Variants in DEAF1 observed in about 807,000 individuals in gnomAD.
DEAF1 encodes DEAF1 transcription factor.
Under a neutral mutation model 58.9 loss-of-function variants are expected in DEAF1, and 53 were observed. The observed-to-expected ratio is 0.90, with a 90% confidence interval of 0.72 to 1.13. The LOEUF is 1.13. Among genes scored for constraint, DEAF1 ranks in the 50% most tolerant of loss-of-function variants. The pLI is 0.00. For missense variants in DEAF1, 685 were observed against 791.4 expected, an observed-to-expected ratio of 0.87 and a Z score of 1.61; for synonymous variants, 385 against 340.4, an observed-to-expected ratio of 1.13 and a Z score of -1.44.
intron 10 of DEAF1, among the ~76,000 whole-genome samples, chr11:668,179 A>G (rs891855142): frequency 6.6e-5 from 10 of 152,226 alleles, no homozygotes; most frequent in Non-Finnish European, 1.0e-4. Flanking sequence ...CCTCAAAAAT[A>G]AAGGTGAAAG....
At position 680,901 on chromosome 11, in the gene DEAF1, C is replaced by T. The variant is rs568400995; in HGVS notation, c.997+62G>A. 85 of 1,611,414 alleles carry T rather than the reference C, an allele frequency of 5.3e-5. 1 individual carries two copies. Among genetic ancestry groups the T allele is most frequent in the South Asian group, 4.3e-4 (39 of 90,934 alleles). ...CCCGCAGTGGCCGTGGGAGTGGTGA[C>T]GAGAGAAGGCAATGCACTCAGGTCC... On this transcript the variant is annotated intron_variant, in intron 7 of 11. Transcript: ENST00000382409.
At chr11:667,785 G>A (rs956697833) in intron 10 of DEAF1, among the ~76,000 whole-genome samples, 2 of 151,128 alleles carry the variant, frequency 1.3e-5, no homozygotes, top group Non-Finnish European at 2.9e-5. Context: ...CTCCAGCCTG[G>A]TGACAGAGTG....
In DEAF1 at chr11:679,800, C is replaced by T. The variant is rs138708107; in HGVS notation, c.1014G>A (p.Ser338=). The T allele has an allele frequency of 2.4e-5, 39 of 1,613,644 alleles. No homozygotes were observed. Among genetic ancestry groups the T allele is most frequent in the South Asian group, 1.5e-4 (14 of 91,092 alleles). ...GTGCCCCCGAGGTCGTGATCTGTCC[C>T]GAGGGGGTCACGGTGACTGGAAAGG... ...TAATTFTVTP[S]GQITTSGALT... is the part of the protein sequence containing the mutation. The change falls in exon 8 of 12, where the codon TCG becomes TCA. Residue 338 remains serine (S), a synonymous_variant. Coordinates refer to ENST00000382409, the MANE Select transcript of DEAF1 (RefSeq NM_021008.4).
intron 11 of DEAF1, chr11:646,277 A>G (rs1259293313): frequency 1.4e-5 from 2 of 145,664 alleles, no homozygotes; most frequent in African/African-American, 5.0e-5. Flanking sequence ...AAAAAAAATT[A>G]AAATTACCTG....
chr11:656,605 AGGTGG>A (rs1859066610), intron 10 of DEAF1, among the ~76,000 whole-genome samples: 1 of 152,234 alleles, frequency 6.6e-6, no homozygotes, highest in African/African-American at 2.4e-5. Context: ...GACAGAGGTC[AGGTGG>A]GGTGGGAGGC....
chr11:701,232 T>G (rs1861448019), intron 1 of DEAF1: 1 of 167,556 alleles, frequency 6.0e-6, no homozygotes, highest in African/African-American at 2.4e-5. Context: ...CAGGCTGGAG[T>G]GCAGTGGTGC....
chr11:704,085 C>G, intron 1 of DEAF1: 1 of 1,114,062 alleles, frequency 9.0e-7, no homozygotes, highest in Non-Finnish European at 1.1e-6. Context: ...GATATTTTCT[C>G]TTCACCGCAT....
chr11:663,750 G>A (rs1307385340), intron 10 of DEAF1, among the ~76,000 whole-genome samples: 1 of 152,060 alleles, frequency 6.6e-6, no homozygotes, highest in African/African-American at 2.4e-5. Flanking sequence ...TGCCTCTGGA[G>A]TGAATACCAG....
At chr11:699,911 T>G, upstream of DEAF1, 4 of 536,042 alleles carry the variant, frequency 7.5e-6, no homozygotes, top group Admixed American at 3.3e-5. Flanking sequence ...ACAGACCGCA[T>G]TGTTGTGGCA....
intron 1 of DEAF1, chr11:700,644 C>T (rs746416892): frequency 1.2e-6 from 2 of 1,614,140 alleles, no homozygotes; most frequent in Admixed American, 3.3e-5. Flanking sequence ...TCACCGCTAC[C>T]TGGTCCTCGA....
Position 681,059 on chromosome 11 carries a change from T to C in DEAF1, c.901A>G (p.Lys301Glu). 6.2e-7 allele frequency: 1 copy of C among 1,614,098 alleles called. No individual in the cohort carries two copies. Among genetic ancestry groups the C allele is most frequent in the Non-Finnish European group, 8.5e-7 (1 of 1,180,020 alleles). Reference sequence around the variant, plus strand: ...AGTTCATTCTCCTTCTTGCGCCTTTTGTAAGGCACAAAAAGCCTGACTGGG... The same window carrying C: ...AGTTCATTCTCCTTCTTGCGCCTTTCGTAAGGCACAAAAAGCCTGACTGGG... ...SGPVRLFVPY[K>E]RRKKENELPT... Residue 301 changes from lysine to glutamate, a missense_variant, in exon 7 of 12, where the codon AAA (lysine) becomes GAA (glutamate). Coordinates refer to ENST00000382409, the MANE Select transcript of DEAF1 (RefSeq NM_021008.4).
intron 1 of DEAF1, 65 bp downstream of exon 1, chr11:694,694 G>A (rs1167772998): frequency 2.4e-6 from 3 of 1,267,592 alleles, no homozygotes; most frequent in Admixed American, 4.3e-5. Flanking sequence ...ACAGTTGTGC[G>A]GGGCAGGCGC....
At position 644,840 on chromosome 11, in the gene DEAF1, ACT is replaced by A. The variant is rs372665758; in HGVS notation, c.1594-188_1594-187del. Among the ~76,000 whole-genome samples, 263 of 151,826 alleles carry A rather than the reference ACT, an allele frequency of 1.7e-3. No individual in the cohort carries two copies. The highest frequency in any genetic ancestry group is 6.8e-3 in the Middle Eastern group (2 of 294). On this transcript the variant is annotated intron_variant, in intron 11 of 11. Coordinates refer to ENST00000382409, the MANE Select transcript of DEAF1 (RefSeq NM_021008.4). This position sits in a 1 kb window ranked among gnomAD's most constrained non-coding sequence, Gnocchi z 4.3. ...TCTGCTCCAATACAGCCTTCCCCAC[ACT>A]CTCTTGGTTTGAGGAATTGGATCAA...
intron 11 of DEAF1, among the ~76,000 whole-genome samples, chr11:650,027 AC>A (rs869056385): frequency 8.2e-4 from 32 of 39,178 alleles, no homozygotes; most frequent in Non-Finnish European, 1.6e-3. Flanking sequence ...TGTCTAAAAA[AC>A]AAAAACAAAA....
intron 11 of DEAF1, among the ~76,000 whole-genome samples, chr11:652,707 C>T (rs1357082477): frequency 6.6e-6 from 1 of 152,042 alleles, no homozygotes; most frequent in African/African-American, 2.4e-5. Context: ...GTTGCTCTGA[C>T]ACCAACATGA....
intron 10 of DEAF1, among the ~76,000 whole-genome samples, chr11:655,857 G>C (rs1859028102): frequency 1.3e-5 from 2 of 151,852 alleles, no homozygotes; most frequent in African/African-American, 4.8e-5. Flanking sequence ...TTTTGAGATG[G>C]AGTCTCACTC....
intron 1 of DEAF1, chr11:703,347 G>A (rs1020186930): frequency 3.1e-5 from 44 of 1,397,548 alleles, no homozygotes; most frequent in Non-Finnish European, 4.0e-5. Context: ...AGGCCCTGGT[G>A]TTGGGAACAG....
Position 687,960 on chromosome 11 carries a change from T to A in DEAF1, c.615A>T (p.Val205=), listed in dbSNP as rs1022053064. 1.2e-6 allele frequency: 2 copies of A among 1,614,148 alleles called. No homozygotes were observed. The highest frequency in any genetic ancestry group is 1.7e-6 in the Non-Finnish European group (2 of 1,180,036). ...DPSVYDSELP[V]RCRNISGTLY... ...GAGTGCCGCTGATGTTCCGGCACCG[T>A]ACGGGCAGCTCACTGTCGTACACAG... The change falls in exon 4 of 12, where the codon GTA becomes GTT. Residue 205 remains valine, a synonymous_variant. Transcript: ENST00000382409.
At chr11:653,218 G>A (rs74045082) in intron 11 of DEAF1, among the ~76,000 whole-genome samples, 293 of 152,140 alleles carry the variant, frequency 1.9e-3, no homozygotes, top group African/African-American at 6.9e-3. Context: ...GTGGAGCGGA[G>A]GGCTGAATAA....
Sources: allele counts gnomAD v4.1 joint callset (sites outside exome capture counted in the v4.1 genomes callset), GRCh38; gene constraint gnomAD v4.1.1; non-coding constraint Gnocchi (gnomAD v3.1); transcripts MANE v1.5; gene names NCBI Gene and HGNC (gene_info 2026-07-23, HGNC 2026-07-21).